RTF2: variants seen among roughly 807,000 people sequenced by gnomAD.
The protein encoded by RTF2 is UPF0549 protein C20orf43.
RTF2 carries 18 observed loss-of-function variants against 38.0 expected under a neutral mutation model. The ratio of observed to expected loss-of-function variants is 0.47; its 90% CI spans 0.33 to 0.70. RTF2 has a LOEUF of 0.70. Ranked by LOEUF, RTF2 falls within the 30% of genes least tolerant of loss-of-function variation. RTF2 has a pLI of 0.02. For missense variants in RTF2, 311 were observed against 379.6 expected (o/e 0.82, Z 1.50); for synonymous variants, 126 against 137.1 (o/e 0.92, Z 0.57).
intron 5 of RTF2, among the ~76,000 whole-genome samples, chr20:56,501,025 A>G (rs1396158996): frequency 1.3e-5 from 2 of 152,158 alleles, no homozygotes; most frequent in African/African-American, 4.8e-5. Context: ...ATATATGTTT[A>G]TGGATCACAG....
chr20:56,503,128 G>GT (rs1740361709), intron 5 of RTF2, among the ~76,000 whole-genome samples: 1 of 152,200 alleles, frequency 6.6e-6, no homozygotes, highest in South Asian at 2.1e-4. Context: ...TAAAGTCTCT[G>GT]TAGCCACACA....
chr20:56,470,592 C>T (rs1242873593), intron 1 of RTF2: 3 of 455,994 alleles, frequency 6.6e-6, no homozygotes, highest in Admixed American at 4.7e-5. Context: ...ATCTTTTGTT[C>T]TAATAAGGCA....
intron 5 of RTF2, among the ~76,000 whole-genome samples, chr20:56,500,732 C>T (rs1983874141): frequency 6.6e-6 from 1 of 152,186 alleles, no homozygotes; most frequent in Non-Finnish European, 1.5e-5. Context: ...GCTGGACTGC[C>T]CTGCTGAGTG....
rs750742654 is a variant in RTF2, at chr20:56,473,298, T to C, written c.70-3T>C. 69 of 1,610,302 alleles carry C rather than the reference T, an allele frequency of 4.3e-5. 1 individual carries two copies. The South Asian group carries it at 6.7e-4, about 16-fold the overall frequency. On this transcript the variant is annotated splice_polypyrimidine_tract_variant and splice_region_variant and intron_variant, in intron 1 of 8. Transcript: ENST00000357348. The stretch of plus-strand genomic sequence containing the variant: ...ATTAATTGAATTTTTTGTTTTTTAT[T>C]AGGTCGACAAAGATGCTGAATTAGT...
intron 5 of RTF2, among the ~76,000 whole-genome samples, chr20:56,512,959 C>T (rs1321016991): frequency 1.3e-5 from 2 of 152,166 alleles, no homozygotes; most frequent in Non-Finnish European, 2.9e-5. Flanking sequence ...TCCAGAATTC[C>T]ACACTCCCAT....
intron 1 of RTF2, among the ~76,000 whole-genome samples, chr20:56,471,459 T>G (rs1382691839): frequency 2.0e-5 from 3 of 152,006 alleles, no homozygotes; most frequent in Non-Finnish European, 2.9e-5. Context: ...TCCCAGCTAC[T>G]CGGGAGGCTG....
At chr20:56,517,979 C>A in intron 8 of RTF2, 108 bp from the exon 9 acceptor site, 1 of 1,117,244 alleles carries the variant, frequency 9.0e-7, no homozygotes, top group Non-Finnish European at 1.3e-6. Context: ...ACACAGCCAG[C>A]AAGAGAACGT....
chr20:56,490,926 G>T (rs746092216), intron 5 of RTF2, among the ~76,000 whole-genome samples: 2 of 152,232 alleles, frequency 1.3e-5, no homozygotes, highest in Non-Finnish European at 2.9e-5. Flanking sequence ...AGCCCCTGTG[G>T]CTGTGGTGAG....
intron 5 of RTF2, among the ~76,000 whole-genome samples, chr20:56,508,119 C>T (rs1337908953): frequency 2.0e-5 from 3 of 152,108 alleles, no homozygotes; most frequent in East Asian, 3.9e-4. Context: ...TCTTCAGTCA[C>T]GAAAATTTAC....
At chr20:56,472,538 CA>C in intron 1 of RTF2, 1 of 539,148 alleles carries the variant, frequency 1.9e-6, no homozygotes, top group Non-Finnish European at 3.3e-6. Context: ...TTAAATTGAA[CA>C]TTTTATAAAG....
intron 2 of RTF2, 25 bp downstream of exon 2, chr20:56,473,420 ATGAGTT>A (rs779915664): frequency 6.7e-7 from 1 of 1,493,408 alleles, no homozygotes; most frequent in South Asian, 1.1e-5. Flanking sequence ...CTTAATCAAG[ATGAGTT>A]TGTTAAGTGA....
chr20:56,475,700 CCT>C (rs1329592107), intron 3 of RTF2, among the ~76,000 whole-genome samples: 1 of 152,034 alleles, frequency 6.6e-6, no homozygotes, highest in East Asian at 1.9e-4. Flanking sequence ...GTAAGATGTG[CCT>C]CTCTCAAGCC....
chr20:56,507,400 G>A (rs1323543209), intron 5 of RTF2, among the ~76,000 whole-genome samples: 1 of 152,152 alleles, frequency 6.6e-6, no homozygotes, highest in Non-Finnish European at 1.5e-5. Context: ...TCCTACCAAG[G>A]TTCAAGCCAT....
chr20:56,468,912 A>C (rs1298503189), intron 1 of RTF2, 146 bp downstream of exon 1: 1 of 649,876 alleles, frequency 1.5e-6, no homozygotes, highest in Non-Finnish European at 2.7e-6. Flanking sequence ...CAAAATTAAC[A>C]ACAGTATTAA....
rs370560033 is a variant in RTF2 at position 56,505,549 on chromosome 20, C to T, written c.478-7766C>T. Among the ~76,000 whole-genome samples the T allele has an allele frequency of 4.0e-5, 6 of 150,678 alleles. No homozygotes were observed. In the East Asian group the frequency reaches 9.8e-4, roughly 25 times the overall value. On this transcript the variant is annotated intron_variant, in intron 5 of 8. Coordinates refer to ENST00000357348, the MANE Select transcript of RTF2 (RefSeq NM_016407.5). ...CTGTGGGTGCACCTGGACTAGACGG[C>T]AGATCTGCTCACACTGGCCCATTCC... is the stretch of plus-strand genomic sequence containing the variant.
chr20:56,503,226 G>T (rs1984038205), intron 5 of RTF2, among the ~76,000 whole-genome samples: 1 of 152,214 alleles, frequency 6.6e-6, no homozygotes, highest in African/African-American at 2.4e-5. Context: ...TGAGTTACTT[G>T]AGATGAGTTG....
Position 56,479,854 on chromosome 20 carries a change from G to A in RTF2, c.398+2730G>A, listed in dbSNP as rs575656956. Among the ~76,000 whole-genome samples the A allele has an allele frequency of 6.5e-3, 937 of 143,776 alleles. 4 individuals are homozygous for A. The highest frequency in any genetic ancestry group is 0.015 in the African/African-American group (586 of 38,842). 94.3% of individuals were successfully genotyped at this position (143,776 alleles called of 152,430 possible). A position where few individuals can be genotyped will look rare whatever the true frequency, so the allele number is the denominator to read the frequency against. On this transcript the variant is annotated intron_variant, in intron 4 of 8. Coordinates refer to ENST00000357348, the MANE Select transcript of RTF2 (RefSeq NM_016407.5). ...TTTTTTTTGAGCAGTAAGTCTCAACGCTGGGCTTAAAATATTCCGTAAGCC... is the reference window on the plus strand; with the variant it reads ...TTTTTTTTGAGCAGTAAGTCTCAACACTGGGCTTAAAATATTCCGTAAGCC...
At chr20:56,482,220 G>A (rs918171009) in intron 4 of RTF2, among the ~76,000 whole-genome samples, 6 of 152,164 alleles carry the variant, frequency 3.9e-5, no homozygotes, top group Non-Finnish European at 8.8e-5. Context: ...GACCCCCTGT[G>A]GATACCAAAA....
At position 56,496,712 on chromosome 20, in the gene RTF2, T is replaced by C. The variant is rs372749623; in HGVS notation, c.477+12523T>C. 4 of 1,551,732 alleles carry C rather than the reference T, an allele frequency of 2.6e-6. No homozygotes were observed. In the African/African-American group the frequency reaches 5.5e-5, roughly 21 times the overall value. On this transcript the variant is annotated intron_variant, in intron 5 of 8. Transcript: ENST00000357348. Reference sequence around the variant, plus strand: ...TGTCTTTGGACCACTGAAGCATGTCTTTTGCATGGATGTCAGTCAGTATGA... The same window carrying C: ...TGTCTTTGGACCACTGAAGCATGTCCTTTGCATGGATGTCAGTCAGTATGA...
Sources: allele counts gnomAD v4.1 joint callset (sites outside exome capture counted in the v4.1 genomes callset), GRCh38; gene constraint gnomAD v4.1.1; transcripts MANE v1.5; gene names NCBI Gene and HGNC (gene_info 2026-07-23, HGNC 2026-07-21).